Variants in INSL6 observed in about 807,000 individuals in gnomAD.
INSL6 encodes insulin like 6.
Under a neutral mutation model 9.4 loss-of-function variants are expected in INSL6, and 16 were observed. The ratio of observed to expected loss-of-function variants is 1.70; its 90% CI spans 1.15 to 2.59. The LOEUF is 2.59. INSL6 is among the 30% of genes most tolerant of loss of function. The pLI, the probability that INSL6 is intolerant of heterozygous loss-of-function variation, is 0.00. For synonymous variants in INSL6, 154 were observed against 96.9 expected (o/e 1.59, Z -3.46); for missense variants, 391 against 257.3 (o/e 1.52, Z -3.56).
the INSL6 span, among the ~76,000 whole-genome samples, chr9:5,116,963 T>C: frequency 1.3e-5 from 2 of 152,234 alleles, no homozygotes; most frequent in Non-Finnish European, 2.9e-5. Context: ...TAAGATGACA[T>C]TTCAACGATT....
chr9:5,146,880 G>T (rs918348555), intron 2 of INSL6, among the ~76,000 whole-genome samples: 2 of 152,174 alleles, frequency 1.3e-5, no homozygotes, highest in African/African-American at 2.4e-5. Flanking sequence ...TGGTGCAAAA[G>T]CTATGGTGTG....
chr9:5,042,169 C>A, the INSL6 span, among the ~76,000 whole-genome samples: 1 of 127,914 alleles, frequency 7.8e-6, no homozygotes, highest in African/African-American at 3.0e-5. Context: ...CTCGCTTTGT[C>A]GCCCAGGCCG....
At chr9:5,179,138 G>A (rs1223918428) in intron 1 of INSL6, among the ~76,000 whole-genome samples, 2 of 150,608 alleles carry the variant, frequency 1.3e-5, no homozygotes, top group Non-Finnish European at 2.9e-5. Context: ...CTAATATCCA[G>A]CATCTATAAG....
At chr9:5,112,504 G>A in the INSL6 span, 3 of 565,222 alleles carry the variant, frequency 5.3e-6, no homozygotes, top group Non-Finnish European at 9.6e-6. Flanking sequence ...GGAGGAAGAT[G>A]ACCTTTTCCC....
the INSL6 span, among the ~76,000 whole-genome samples, chr9:5,027,335 T>G: frequency 6.1e-4 from 93 of 152,364 alleles, no homozygotes; most frequent in Non-Finnish European, 1.1e-3. Flanking sequence ...TTCTGTAGTC[T>G]GTTAAGTATG....
chr9:5,114,847 G>C, the INSL6 span: 1 of 240,118 alleles, frequency 4.2e-6, no homozygotes, highest in Non-Finnish European at 8.3e-6. Context: ...CTGTCCAGCT[G>C]TGTGGTGGGA....
the INSL6 span, among the ~76,000 whole-genome samples, chr9:5,036,041 T>C: frequency 3.3e-5 from 5 of 152,218 alleles, no homozygotes; most frequent in Non-Finnish European, 7.3e-5. Flanking sequence ...AGTCTCAGCA[T>C]ACAAAATCAA....
Position 5,165,695 on chromosome 9 carries a change from A to C in INSL6, c.290-1430T>G, listed in dbSNP as rs143831163. On this transcript the variant is annotated intron_variant, in intron 1 of 1. Transcript: ENST00000381641. ...AAATATAAAGAAATAGAGAAGTGGT[A>C]ATATGCTCTAGGTACAATGAACTGA... 3.9e-5 allele frequency among the ~76,000 whole-genome samples: 6 copies of C among 152,332 alleles called. No homozygotes were observed. The East Asian group carries it at 9.6e-4, about 24-fold the overall frequency.
intron 1 of INSL6, among the ~76,000 whole-genome samples, chr9:5,165,123 A>C (rs765913286): frequency 3.3e-5 from 5 of 152,194 alleles, no homozygotes; most frequent in Admixed American, 6.5e-5. Context: ...AGGCATGAGA[A>C]TCACTTGAAC....
chr9:5,170,581 T>G (rs1043156184), intron 1 of INSL6, among the ~76,000 whole-genome samples: 1 of 138,430 alleles, frequency 7.2e-6, no homozygotes, highest in Admixed American at 7.2e-5. Flanking sequence ...GAAAAACTAA[T>G]AAAATAGACC....
chr9:5,165,677 A>C (rs192381158), intron 1 of INSL6, among the ~76,000 whole-genome samples: 497 of 152,326 alleles, frequency 3.3e-3, no homozygotes, highest in Admixed American at 0.01. Flanking sequence ...TTAAAATATA[A>C]AGAAATAGAG....
At chr9:5,146,756 T>A (rs764995145) in intron 2 of INSL6, among the ~76,000 whole-genome samples, 1 of 152,172 alleles carries the variant, frequency 6.6e-6, no homozygotes, top group Non-Finnish European at 1.5e-5. Context: ...CAAAGCAATG[T>A]AGGCAGTTGT....
the INSL6 span, among the ~76,000 whole-genome samples, chr9:5,019,637 A>T: frequency 6.6e-6 from 1 of 152,166 alleles, no homozygotes; most frequent in African/African-American, 2.4e-5. Context: ...CTTCTTTGAT[A>T]TCCACACATC....
At chr9:5,072,504 G>A in the INSL6 span, 4 of 1,581,084 alleles carry the variant, frequency 2.5e-6, no homozygotes, top group Non-Finnish European at 3.4e-6. Flanking sequence ...TGAAAGCCTT[G>A]GCCAAGGCAC....
At chr9:5,088,610 A>G in the INSL6 span, among the ~76,000 whole-genome samples, 4 of 152,222 alleles carry the variant, frequency 2.6e-5, no homozygotes, top group African/African-American at 7.2e-5. Context: ...TTTGGCTGCT[A>G]TAACAAAATA....
intron 2 of INSL6, among the ~76,000 whole-genome samples, chr9:5,141,896 T>C (rs1824508038): frequency 6.6e-6 from 1 of 152,232 alleles, no homozygotes; most frequent in African/African-American, 2.4e-5. Context: ...AATTTTTGTA[T>C]ATGGTGTAAG....
At chr9:5,092,543 A>G in the INSL6 span, among the ~76,000 whole-genome samples, 1 of 152,164 alleles carries the variant, frequency 6.6e-6, no homozygotes, top group Admixed American at 6.5e-5. Flanking sequence ...TTTACCTTAG[A>G]CAAAAGAATA....
At chr9:5,031,806 T>A in the INSL6 span, among the ~76,000 whole-genome samples, 1 of 152,076 alleles carries the variant, frequency 6.6e-6, no homozygotes, top group South Asian at 2.1e-4. Flanking sequence ...TAGGAACAGG[T>A]CCAGTCTACA....
At chr9:5,041,151 C>T in the INSL6 span, 5 of 1,129,476 alleles carry the variant, frequency 4.4e-6, no homozygotes, top group Non-Finnish European at 3.9e-6. Context: ...CGGCTGATCA[C>T]GCGCATGGAT....
Sources: gnomAD v4.1 joint callset for allele counts (sites outside exome capture counted in the v4.1 genomes callset) on GRCh38, gnomAD v4.1.1 for gene constraint, MANE v1.5 for transcripts, NCBI Gene and HGNC (gene_info 2026-07-23, HGNC 2026-07-21) for gene names.